STARD13: variants seen among roughly 807,000 people sequenced by gnomAD.
STARD13 encodes the protein StAR related lipid transfer domain containing 13, also known as stAR-related lipid transfer protein 13.
In STARD13, 62 loss-of-function variants were observed where a neutral mutation model predicts 106.4. The observed-to-expected ratio is 0.58, with a 90% confidence interval of 0.48 to 0.72. The LOEUF is 0.72. Among genes scored for constraint, STARD13 ranks in the 30% least tolerant of loss-of-function variants. The probability of loss-of-function intolerance (pLI) is 0.00; values close to 1 mark genes in which losing one functional copy is unlikely to be tolerated. For missense variants in STARD13, 1,387 were observed against 1,424.0 expected (o/e 0.97, Z 0.42); for synonymous variants, 565 against 553.0 (o/e 1.02, Z -0.31).
At chr13:33,263,003 A>G (rs1890725728) in intron 1 of STARD13, among the ~76,000 whole-genome samples, 1 of 152,214 alleles carries the variant, frequency 6.6e-6, no homozygotes, top group Non-Finnish European at 1.5e-5. Flanking sequence ...CGAAGATCTC[A>G]AGATGAGAGT....
At chr13:33,524,268 T>C in the STARD13 span, 19 of 1,279,850 alleles carry the variant, frequency 1.5e-5, no homozygotes, top group Admixed American at 3.4e-4. Context: ...CAGTTGACAT[T>C]TGGCTTGGCA....
the STARD13 span, among the ~76,000 whole-genome samples, chr13:33,390,421 G>C: frequency 3.9e-5 from 6 of 152,128 alleles, no homozygotes; most frequent in Admixed American, 2.0e-4. Flanking sequence ...GACTTTGTTA[G>C]AACAAGTTAC....
At chr13:33,432,892 A>ATTTTTAG in the STARD13 span, among the ~76,000 whole-genome samples, 1 of 152,222 alleles carries the variant, frequency 6.6e-6, no homozygotes, top group Non-Finnish European at 1.5e-5. Flanking sequence ...AAAAAAATGA[A>ATTTTTAG]ATAACGCTTT....
chr13:33,155,259 C>T (rs1881815328), intron 3 of STARD13, among the ~76,000 whole-genome samples: 1 of 152,132 alleles, frequency 6.6e-6, no homozygotes, highest in Non-Finnish European at 1.5e-5. Context: ...AAGGGTATCT[C>T]TGCCACCCAG....
At chr13:33,616,973 A>C in the STARD13 span, among the ~76,000 whole-genome samples, 2 of 152,170 alleles carry the variant, frequency 1.3e-5, no homozygotes, top group Non-Finnish European at 2.9e-5. Flanking sequence ...TCCCTAAGGA[A>C]CTGTGACTCC....
the STARD13 span, among the ~76,000 whole-genome samples, chr13:33,454,859 T>C: frequency 2.6e-5 from 4 of 152,242 alleles, no homozygotes; most frequent in South Asian, 2.1e-4. Flanking sequence ...GATGGCAGCA[T>C]GTGTGAGAGT....
chr13:33,451,467 A>C, the STARD13 span, among the ~76,000 whole-genome samples: 1 of 152,200 alleles, frequency 6.6e-6, no homozygotes, highest in Admixed American at 6.5e-5. Flanking sequence ...GTATGTATAC[A>C]GAAAGGGTGT....
At chr13:33,529,332 A>T in the STARD13 span, among the ~76,000 whole-genome samples, 1 of 152,208 alleles carries the variant, frequency 6.6e-6, no homozygotes, top group Non-Finnish European at 1.5e-5. Context: ...AGTTCTACTT[A>T]AAAATTACAT....
chr13:33,473,309 A>C, the STARD13 span, among the ~76,000 whole-genome samples: 1 of 152,214 alleles, frequency 6.6e-6, no homozygotes, highest in African/African-American at 2.4e-5. Flanking sequence ...CCACATTCTT[A>C]AAAACAAGGA....
In STARD13 at chr13:33,202,164, C is replaced by T. The variant is rs191073990; in HGVS notation, c.170-34542G>A. 2.6e-5 allele frequency among the ~76,000 whole-genome samples: 4 copies of T among 152,284 alleles called. No homozygotes were observed. In the East Asian group the frequency reaches 7.7e-4, roughly 29 times the overall value. ...CTAGTCACAGATATGCCAAGGCTCT[C>T]TCAGAATAGAGACAGATGGATGATA... On this transcript the variant is annotated intron_variant, in intron 1 of 13. Coordinates refer to ENST00000336934, the MANE Select transcript of STARD13 (RefSeq NM_178006.4).
chr13:33,570,707 T>C, the STARD13 span, among the ~76,000 whole-genome samples: 1 of 152,098 alleles, frequency 6.6e-6, no homozygotes. Flanking sequence ...CTGACTGAGG[T>C]TCTTTAGATG....
At chr13:33,504,574 G>C in the STARD13 span, among the ~76,000 whole-genome samples, 29 of 142,012 alleles carry the variant, frequency 2.0e-4, no homozygotes, top group Non-Finnish European at 7.6e-5. Flanking sequence ...TTGGACACAG[G>C]GTGGGGAACA....
chr13:33,313,041 TTTTAA>T (rs1246002117), intron 1 of STARD13, among the ~76,000 whole-genome samples: 2 of 152,224 alleles, frequency 1.3e-5, no homozygotes, highest in African/African-American at 4.8e-5. Flanking sequence ...CATAATTTGC[TTTTAA>T]TCTCTTCAGA....
chr13:33,118,354 A>G (rs1325103241), intron 7 of STARD13, 91 bp from the exon 8 acceptor site: 2 of 1,073,304 alleles, frequency 1.9e-6, no homozygotes, highest in Non-Finnish European at 2.9e-6. Context: ...ATGAGCTGGA[A>G]TTGCCTCCCA....
intron 3 of STARD13, among the ~76,000 whole-genome samples, chr13:33,142,612 A>G (rs1168565584): frequency 6.6e-6 from 1 of 151,954 alleles, no homozygotes; most frequent in Non-Finnish European, 1.5e-5. Context: ...CCTAATCTAA[A>G]CCCAGCCCTT....
chr13:33,519,208 T>TTTCTC, the STARD13 span, among the ~76,000 whole-genome samples: 837 of 101,588 alleles, frequency 8.2e-3, 7 homozygotes, highest in East Asian at 0.017. Flanking sequence ...CTTGGTAATT[T>TTTCTC]TTTCTTTCTT....
the STARD13 span, among the ~76,000 whole-genome samples, chr13:33,385,218 AATATATATATATATATAT>A: frequency 9.5e-4 from 32 of 33,582 alleles, 1 homozygote; most frequent in South Asian, 5.3e-3. Context: ...AAAGGTTCGG[AATATATATATATATATAT>A]ATATATATAT....
chr13:33,118,340 C>T, intron 7 of STARD13, 77 bp from the exon 8 acceptor site: 2 of 1,243,846 alleles, frequency 1.6e-6, no homozygotes, highest in South Asian at 1.2e-5. Flanking sequence ...GGGAAGGGAA[C>T]TGGATGAGCT....
chr13:33,558,805 G>C, the STARD13 span, among the ~76,000 whole-genome samples: 4 of 151,504 alleles, frequency 2.6e-5, no homozygotes, highest in Non-Finnish European at 5.9e-5. Context: ...GATTATAGCA[G>C]TACTCTGTCT....
Sources: allele counts gnomAD v4.1 joint callset (sites outside exome capture counted in the v4.1 genomes callset), GRCh38; gene constraint gnomAD v4.1.1; transcripts MANE v1.5; gene names NCBI Gene and HGNC (gene_info 2026-07-23, HGNC 2026-07-21).